Variants in FAM13A observed in about 807,000 individuals in gnomAD.
FAM13A encodes the protein protein FAM13A.
Under a neutral mutation model 129.6 loss-of-function variants are expected in FAM13A, and 76 were observed. The observed-to-expected ratio is 0.59, with a 90% CI of 0.49 to 0.71. The LOEUF is 0.71. FAM13A is among the 30% of genes least tolerant of loss of function. The pLI, the probability that FAM13A is intolerant of heterozygous loss-of-function variation, is 0.00. For missense variants in FAM13A, 1,108 were observed against 1,249.3 expected (o/e 0.89, Z 1.70); for synonymous variants, 443 against 449.9 (o/e 0.98, Z 0.20).
At chr4:88,914,594 C>T (rs1028410403) in intron 5 of FAM13A, among the ~76,000 whole-genome samples, 1 of 152,094 alleles carries the variant, frequency 6.6e-6, no homozygotes, top group Non-Finnish European at 1.5e-5. Context: ...CATGTCACTT[C>T]CTCAGAGAGG....
intron 22 of FAM13A, 60 bp from the exon 23 acceptor site, chr4:88,731,488 T>C (rs756540995): frequency 7.7e-4 from 768 of 997,624 alleles, no homozygotes; most frequent in Middle Eastern, 1.5e-3. Flanking sequence ...ATAAATGTGA[T>C]GAATGTGTAA....
At chr4:88,880,922 G>A (rs565724502) in intron 6 of FAM13A, among the ~76,000 whole-genome samples, 19 of 152,024 alleles carry the variant, frequency 1.2e-4, no homozygotes, top group African/African-American at 4.3e-4. Context: ...ATTCCCCTAG[G>A]AACATAACTC....
At chr4:88,814,514 T>C (rs1730308447) in intron 7 of FAM13A, among the ~76,000 whole-genome samples, 2 of 152,164 alleles carry the variant, frequency 1.3e-5, no homozygotes, top group African/African-American at 4.8e-5. Flanking sequence ...AAGCTGACAC[T>C]GGAGAAACAG....
intron 2 of FAM13A, among the ~76,000 whole-genome samples, chr4:89,026,422 A>G (rs1485722093): frequency 6.6e-6 from 1 of 152,228 alleles, no homozygotes; most frequent in African/African-American, 2.4e-5. Flanking sequence ...ACGGAGTAAG[A>G]ACAGAAACCT....
intron 4 of FAM13A, among the ~76,000 whole-genome samples, chr4:88,987,087 C>A (rs900989119): frequency 3.3e-5 from 5 of 152,096 alleles, no homozygotes; most frequent in African/African-American, 1.2e-4. Flanking sequence ...AGGGTTTTGT[C>A]AAAAGGACAC....
At position 88,805,004 on chromosome 4, in the gene FAM13A, T is replaced by C. The variant is rs1185186076; in HGVS notation, c.1049+7A>G. 6.5e-7 allele frequency: 1 copy of C among 1,541,294 alleles called. No homozygotes were observed. Among genetic ancestry groups the C allele is most frequent in the African/African-American group, 1.4e-5 (1 of 73,530 alleles). On this transcript the variant is annotated splice_region_variant and intron_variant, in intron 8 of 23. Transcript: ENST00000264344. The stretch of plus-strand genomic sequence containing the variant: ...CTGTAGTAGACCAACAAAAATCAAA[T>C]AAATACCTCAAATAGAAAGGTGACA...
At chr4:88,988,541 AT>A (rs1762550106) in intron 4 of FAM13A, among the ~76,000 whole-genome samples, 1 of 152,220 alleles carries the variant, frequency 6.6e-6, no homozygotes, top group South Asian at 2.1e-4. Flanking sequence ...ATATTTACAT[AT>A]ATACAGACAT....
At chr4:88,977,887 A>C (rs1761117483) in intron 4 of FAM13A, among the ~76,000 whole-genome samples, 1 of 152,204 alleles carries the variant, frequency 6.6e-6, no homozygotes, top group African/African-American at 2.4e-5. Flanking sequence ...GTTCCAGAAA[A>C]AAATAACTGA....
intron 14 of FAM13A, among the ~76,000 whole-genome samples, chr4:88,757,765 T>G (rs998538563): frequency 1.4e-4 from 22 of 152,314 alleles, no homozygotes; most frequent in African/African-American, 4.6e-4. Context: ...CCTGGTGGTC[T>G]TTTCAACTCT....
At chr4:88,743,669 GC>G (rs1740697427) in intron 19 of FAM13A, among the ~76,000 whole-genome samples, 2 of 152,224 alleles carry the variant, frequency 1.3e-5, no homozygotes, top group South Asian at 4.1e-4. Flanking sequence ...CATCAATATA[GC>G]GCAGTCAATA....
At chr4:88,950,684 T>C (rs955770374) in intron 4 of FAM13A, among the ~76,000 whole-genome samples, 2 of 152,238 alleles carry the variant, frequency 1.3e-5, no homozygotes, top group African/African-American at 4.8e-5. Context: ...ACTATTTATC[T>C]GAAATAGTCA....
intron 1 of FAM13A, among the ~76,000 whole-genome samples, chr4:89,037,266 C>G (rs1424502400): frequency 1.3e-5 from 2 of 152,222 alleles, no homozygotes; most frequent in African/African-American, 4.8e-5. Context: ...GGAGCCCACA[C>G]CTTGCATCAG....
intron 5 of FAM13A, among the ~76,000 whole-genome samples, chr4:88,917,038 C>G (rs1239265793): frequency 6.6e-6 from 1 of 152,206 alleles, no homozygotes; most frequent in Non-Finnish European, 1.5e-5. Context: ...AAAACAACCT[C>G]TTCTGACTCC....
In FAM13A at chr4:88,732,030, C is replaced by T; in HGVS notation, c.2815G>A (p.Gly939Arg). The T allele has an allele frequency of 6.2e-7, 1 of 1,613,352 alleles. No homozygotes were observed. The stretch of plus-strand genomic sequence containing the variant: ...GAGGCAGCATGGAGATTTGAAAGCC[C>T]TGTGTCCTGGCTGCATTTTGATGGT... ...KIPSKCSQDT[G>R]LSNLHAASIP... Residue 939 changes from glycine to arginine, a missense_variant, in exon 22 of 24, where the codon GGG (glycine) becomes AGG (arginine). Physicochemically the swap from Gly to Arg is moderately radical, Grantham distance 125. Transcript: ENST00000264344.
At chr4:88,975,059 A>G (rs1310849580) in intron 4 of FAM13A, among the ~76,000 whole-genome samples, 1 of 152,238 alleles carries the variant, frequency 6.6e-6, no homozygotes, top group African/African-American at 2.4e-5. Context: ...TAATACATTT[A>G]CCAAATAAGT....
chr4:88,925,828 C>A (rs1447855191), intron 5 of FAM13A, among the ~76,000 whole-genome samples: 2 of 151,742 alleles, frequency 1.3e-5, no homozygotes, highest in Non-Finnish European at 2.9e-5. Flanking sequence ...TTATCCAAGG[C>A]AGAATGTTCT....
At chr4:88,849,978 C>T (rs1488770849) in intron 7 of FAM13A, among the ~76,000 whole-genome samples, 1 of 152,166 alleles carries the variant, frequency 6.6e-6, no homozygotes, top group African/African-American at 2.4e-5. Flanking sequence ...TCTAAATTAT[C>T]TTTATCATCT....
At chr4:88,744,921 G>C (rs565663958) in intron 19 of FAM13A, among the ~76,000 whole-genome samples, 1 of 152,268 alleles carries the variant, frequency 6.6e-6, no homozygotes, top group African/African-American at 2.4e-5. Context: ...ACCTGAAAGA[G>C]TGATGAAAGG....
intron 5 of FAM13A, among the ~76,000 whole-genome samples, chr4:88,929,716 T>C (rs1752750991): frequency 6.6e-6 from 1 of 152,146 alleles, no homozygotes; most frequent in Non-Finnish European, 1.5e-5. Flanking sequence ...CTTCAGTGCA[T>C]TTTTTTAATT....
Sources: allele counts gnomAD v4.1 joint callset (sites outside exome capture counted in the v4.1 genomes callset), GRCh38; gene constraint gnomAD v4.1.1; transcripts MANE v1.5; gene names NCBI Gene and HGNC (gene_info 2026-07-23, HGNC 2026-07-21).